The following SCHIP1 variants were observed in gnomAD, a reference collection of about 807,000 sequenced individuals.
The protein encoded by SCHIP1 is schwannomin interacting protein 1.
SCHIP1 carries 8 observed loss-of-function variants against 29.7 expected under a neutral mutation model. That is an observed-to-expected ratio of 0.27 (90% CI 0.16 to 0.49). The LOEUF (loss-of-function observed/expected upper bound fraction) is 0.49. Ranked by LOEUF, SCHIP1 falls within the 20% of genes least tolerant of loss-of-function variation. SCHIP1 has a pLI of 0.99. For missense variants in SCHIP1, 193 were observed against 294.6 expected (o/e 0.66, Z 2.52); for synonymous variants, 76 against 94.9 (o/e 0.80, Z 1.16).
chr3:159,839,898 G>A (rs1056612676), exon 1 of SCHIP1: 49 of 1,389,408 alleles, frequency 3.5e-5, no homozygotes, highest in Admixed American at 6.7e-5. Flanking sequence ...CTGATTGTGC[G>A]GGTGATGAGC....
the SCHIP1 span, among the ~76,000 whole-genome samples, chr3:159,367,795 T>C: frequency 6.6e-6 from 1 of 151,914 alleles, no homozygotes; most frequent in African/African-American, 2.4e-5. Flanking sequence ...AGATAAAAAG[T>C]TGAATAATGC....
At chr3:159,322,627 C>G in the SCHIP1 span, among the ~76,000 whole-genome samples, 2 of 152,214 alleles carry the variant, frequency 1.3e-5, no homozygotes, top group Non-Finnish European at 2.9e-5. Flanking sequence ...AGGAATATCA[C>G]TAGATAATTT....
At chr3:159,382,415 T>G in the SCHIP1 span, among the ~76,000 whole-genome samples, 6 of 151,340 alleles carry the variant, frequency 4.0e-5, no homozygotes, top group Non-Finnish European at 8.9e-5. Flanking sequence ...ATTTCATCCA[T>G]GTCCTTACAA....
chr3:159,398,190 ACG>A, the SCHIP1 span, among the ~76,000 whole-genome samples: 19 of 152,024 alleles, frequency 1.2e-4, no homozygotes, highest in African/African-American at 3.9e-4. Flanking sequence ...CAGCTCACAC[ACG>A]GTGCGCACAC....
the SCHIP1 span, among the ~76,000 whole-genome samples, chr3:159,492,570 G>A: frequency 6.6e-6 from 1 of 152,128 alleles, no homozygotes; most frequent in African/African-American, 2.4e-5. Context: ...AAAAAGAAAT[G>A]AACAAAGCCT....
At chr3:159,527,029 G>A in the SCHIP1 span, among the ~76,000 whole-genome samples, 2 of 152,184 alleles carry the variant, frequency 1.3e-5, no homozygotes, top group African/African-American at 2.4e-5. Context: ...CATACACACA[G>A]TCATATCTTC....
At chr3:159,853,584 T>G (rs1034313863) in intron 1 of SCHIP1, 1 of 491,630 alleles carries the variant, frequency 2.0e-6, no homozygotes, top group African/African-American at 2.0e-5. Context: ...CAGGAAAAAC[T>G]AAATGCACAG....
chr3:159,567,107 G>A, the SCHIP1 span, among the ~76,000 whole-genome samples: 4 of 152,276 alleles, frequency 2.6e-5, no homozygotes, highest in African/African-American at 9.6e-5. Flanking sequence ...TCAAATGCTA[G>A]TGAGTTTAAA....
the SCHIP1 span, among the ~76,000 whole-genome samples, chr3:159,439,969 C>T: frequency 6.1e-3 from 922 of 152,260 alleles, 4 homozygotes; most frequent in Admixed American, 0.012. Flanking sequence ...GTCATGAAAT[C>T]TTTGCCCATG....
At chr3:159,830,451 CTA>C in the SCHIP1 span, among the ~76,000 whole-genome samples, 2 of 152,118 alleles carry the variant, frequency 1.3e-5, no homozygotes, top group African/African-American at 4.8e-5. Context: ...TCTCAGGAAA[CTA>C]TTTTTTTCAT....
At chr3:159,575,808 G>T in the SCHIP1 span, among the ~76,000 whole-genome samples, 1 of 151,976 alleles carries the variant, frequency 6.6e-6, no homozygotes, top group Non-Finnish European at 1.5e-5. Context: ...ACTCCTAAAA[G>T]CTTTGATCAT....
the SCHIP1 span, among the ~76,000 whole-genome samples, chr3:159,705,763 G>A: frequency 1.3e-5 from 2 of 152,144 alleles, no homozygotes; most frequent in African/African-American, 4.8e-5. Context: ...CTGGAGTGCA[G>A]TGGCGCGATC....
the SCHIP1 span, chr3:159,768,298 CCTTA>C: frequency 6.6e-6 from 1 of 152,168 alleles, no homozygotes; most frequent in Non-Finnish European, 1.5e-5. Context: ...ATCAAAACCC[CCTTA>C]CTTATGAGTC....
At chr3:159,755,187 A>G in the SCHIP1 span, among the ~76,000 whole-genome samples, 1 of 152,206 alleles carries the variant, frequency 6.6e-6, no homozygotes, top group African/African-American at 2.4e-5. Flanking sequence ...GTGAGCCAAC[A>G]TCACGCCACT....
the SCHIP1 span, among the ~76,000 whole-genome samples, chr3:159,830,610 ATT>A: frequency 6.6e-6 from 1 of 152,292 alleles, no homozygotes; most frequent in East Asian, 1.9e-4. Context: ...TCTCATTTTT[ATT>A]CTTCCCTTAC....
chr3:159,538,037 A>G, the SCHIP1 span, among the ~76,000 whole-genome samples: 1 of 152,196 alleles, frequency 6.6e-6, no homozygotes, highest in Non-Finnish European at 1.5e-5. Flanking sequence ...AAAGGAGATT[A>G]GCCATGTTGC....
the SCHIP1 span, among the ~76,000 whole-genome samples, chr3:159,543,417 T>C: frequency 7.5e-6 from 1 of 133,852 alleles, no homozygotes; most frequent in Admixed American, 7.9e-5. Context: ...CCTTCCTGTG[T>C]CCATGTGTTC....
At chr3:159,414,702 C>G in the SCHIP1 span, among the ~76,000 whole-genome samples, 1 of 152,090 alleles carries the variant, frequency 6.6e-6, no homozygotes, top group Non-Finnish European at 1.5e-5. Context: ...CTTTCTGTCA[C>G]CAGGGACCGG....
At chr3:159,888,829 A>C in exon 5 of SCHIP1, 1 of 1,613,980 alleles carries the variant, frequency 6.2e-7, no homozygotes, top group Non-Finnish European at 8.5e-7. Context: ...GCTGCCACAC[A>C]TGCCTCATAT....
Sources: gnomAD v4.1 joint callset for allele counts (sites outside exome capture counted in the v4.1 genomes callset) on GRCh38, gnomAD v4.1.1 for gene constraint, MANE v1.5 for transcripts, NCBI Gene and HGNC (gene_info 2026-07-23, HGNC 2026-07-21) for gene names.